The following CACNB2 variants were observed in gnomAD, a reference collection of about 807,000 sequenced individuals.
The protein encoded by CACNB2 is calcium voltage-gated channel auxiliary subunit beta 2, also known as voltage-dependent L-type calcium channel subunit beta-2.
A neutral mutation model predicts 73.3 loss-of-function variants in CACNB2; 42 were observed. The ratio of observed to expected loss-of-function variants is 0.57; its 90% CI spans 0.45 to 0.74. The LOEUF is 0.74. Ranked by LOEUF, CACNB2 falls within the 30% of genes least tolerant of loss-of-function variation. The probability of loss-of-function intolerance (pLI) is 0.00; values close to 1 mark genes in which losing one functional copy is unlikely to be tolerated. For synonymous variants in CACNB2, 348 were observed against 310.3 expected (o/e 1.12, Z -1.28); for missense variants, 940 against 853.0 (o/e 1.10, Z -1.27).
intron 3 of CACNB2, among the ~76,000 whole-genome samples, chr10:18,484,917 G>A (rs949749973): frequency 6.6e-6 from 1 of 152,176 alleles, no homozygotes; most frequent in Non-Finnish European, 1.5e-5. Context: ...CACTTTGGAA[G>A]GCTGATGCAG....
intron 1 of CACNB2, among the ~76,000 whole-genome samples, chr10:18,146,037 C>G (rs2030937313): frequency 6.6e-6 from 1 of 152,018 alleles, no homozygotes; most frequent in Non-Finnish European, 1.5e-5. Context: ...GCTCCTTGTT[C>G]CTTTCTGCTT....
chr10:18,352,098 A>T (rs1000762328), intron 2 of CACNB2, among the ~76,000 whole-genome samples: 1 of 152,236 alleles, frequency 6.6e-6, no homozygotes, highest in Non-Finnish European at 1.5e-5. Context: ...ATGAATAGGC[A>T]TTCAACCTAA....
At chr10:18,160,270 G>A (rs894466566) in intron 2 of CACNB2, among the ~76,000 whole-genome samples, 1 of 151,950 alleles carries the variant, frequency 6.6e-6, no homozygotes, top group African/African-American at 2.4e-5. Flanking sequence ...TTGATTAAGT[G>A]CTCCAGTTAT....
chr10:18,536,731 G>C (rs115084744), intron 12 of CACNB2, among the ~76,000 whole-genome samples: 1 of 152,244 alleles, frequency 6.6e-6, no homozygotes, highest in African/African-American at 2.4e-5. Context: ...AAAAGCTTCC[G>C]TACATCCTGC....
intron 10 of CACNB2, chr10:18,531,707 A>C (rs1446282253): frequency 2.0e-5 from 3 of 152,170 alleles, no homozygotes; most frequent in African/African-American, 7.2e-5. Flanking sequence ...CAGCCATTCT[A>C]ACTGGTGGGA....
chr10:18,340,092 G>T (rs1033444217), intron 2 of CACNB2, among the ~76,000 whole-genome samples: 1 of 152,046 alleles, frequency 6.6e-6, no homozygotes, highest in African/African-American at 2.4e-5. Flanking sequence ...TGTTTTCCAT[G>T]TTCTTTTAGT....
Position 18,289,761 on chromosome 10 carries a change from T to C in CACNB2, c.214-112163T>C, listed in dbSNP as rs2131757698. On this transcript the variant is annotated intron_variant, in intron 2 of 13. Transcript: ENST00000324631. ...GATAGCACTGATATTTACGTGACGT[T>C]TAGCTGTGTGGCCCCCTTTAGTTGT... is the stretch of plus-strand genomic sequence containing the variant. Among the ~76,000 whole-genome samples, 2 of 152,294 alleles carry C rather than the reference T, an allele frequency of 1.3e-5. 1 individual carries two copies.
Position 18,146,306 on chromosome 10 carries a change from A to ATTTTTTT in CACNB2, c.121-4562_121-4556dup, listed in dbSNP as rs10714038. Among the ~76,000 whole-genome samples the ATTTTTTT allele has an allele frequency of 1.8e-3, 214 of 118,898 alleles. 1 individual carries two copies. Among genetic ancestry groups the ATTTTTTT allele is most frequent in the Non-Finnish European group, 2.7e-3 (157 of 58,416 alleles). The allele number at this position is 118,898 out of a possible 152,430, so 78.0% of individuals were successfully genotyped here. A position where few individuals can be genotyped will look rare whatever the true frequency, so the allele number is the denominator to read the frequency against. On this transcript the variant is annotated intron_variant, in intron 1 of 13. Transcript: ENST00000324631. ...TACGAACTGAGAGAGATGGAGACTA[A>ATTTTTTT]TTTTTTTTTTTTTTTTTTTTTGAGA...
Position 18,500,881 on chromosome 10 carries a change from C to A in CACNB2, c.526C>A (p.Pro176Thr). 1 of 1,613,846 alleles carries A rather than the reference C, an allele frequency of 6.2e-7. No homozygotes were observed. Among genetic ancestry groups the A allele is most frequent in the Non-Finnish European group, 8.5e-7 (1 of 1,179,868 alleles). Residue 176 changes from proline (P) to threonine (T), a missense_variant, in exon 5 of 14, where the codon CCA (proline) becomes ACA (threonine). By Grantham distance (38) the Pro-to-Thr change is conservative. Coordinates refer to ENST00000324631, the MANE Select transcript of CACNB2 (RefSeq NM_201596.3). ...CTGTGAAATCGGATTCATTCCAAGC[C>A]CAGTCAAACTAGAAAACATGAGGCT... ...EGCEIGFIPS[P>T]VKLENMRLQH...
intron 2 of CACNB2, among the ~76,000 whole-genome samples, chr10:18,356,853 C>A (rs924210374): frequency 1.3e-5 from 2 of 151,320 alleles, no homozygotes; most frequent in African/African-American, 4.9e-5. Context: ...TGGTCTCGAA[C>A]TCCTGGGCTC....
intron 3 of CACNB2, among the ~76,000 whole-genome samples, chr10:18,467,046 A>C (rs1455728788): frequency 6.6e-6 from 1 of 152,032 alleles, no homozygotes; most frequent in African/African-American, 2.4e-5. Flanking sequence ...CCCAGCTGCT[A>C]GGGAGGCTGA....
Position 18,506,824 on chromosome 10 carries a change from G to C in CACNB2, c.670+277G>C, listed in dbSNP as rs565728030. Among the ~76,000 whole-genome samples the C allele has an allele frequency of 3.3e-5, 5 of 152,202 alleles. No homozygotes were observed. In the South Asian group the frequency reaches 8.3e-4, roughly 25 times the overall value. On this transcript the variant is annotated intron_variant, in intron 6 of 13. Coordinates refer to ENST00000324631, the MANE Select transcript of CACNB2 (RefSeq NM_201596.3). ...TTTATTTATTTATTTTTTTGAGACA[G>C]AGTCTCACTCTATTGCCCACGCTGG...
intron 3 of CACNB2, among the ~76,000 whole-genome samples, chr10:18,473,149 G>A (rs557706692): frequency 2.0e-5 from 3 of 152,176 alleles, no homozygotes; most frequent in South Asian, 2.1e-4. Flanking sequence ...AATTGTCCAC[G>A]CTTTAGCTCC....
chr10:18,526,350 C>A (rs558027941), intron 9 of CACNB2, among the ~76,000 whole-genome samples: 1 of 152,202 alleles, frequency 6.6e-6, no homozygotes. Flanking sequence ...TGCTCCTGTT[C>A]TGTCTAGGGT....
At chr10:18,235,310 T>A (rs1169883145) in intron 2 of CACNB2, among the ~76,000 whole-genome samples, 2 of 151,242 alleles carry the variant, frequency 1.3e-5, no homozygotes, top group African/African-American at 4.9e-5. Flanking sequence ...CTAAAAAAAT[T>A]AGCCAGGCAC....
intron 2 of CACNB2, among the ~76,000 whole-genome samples, chr10:18,373,779 T>G (rs2042683554): frequency 6.6e-6 from 1 of 152,234 alleles, no homozygotes; most frequent in Admixed American, 6.5e-5. Flanking sequence ...GCAGTTGCTA[T>G]GTGATTTGCT....
chr10:18,405,943 C>T (rs980095909), intron 3 of CACNB2, among the ~76,000 whole-genome samples: 2 of 143,222 alleles, frequency 1.4e-5, no homozygotes, highest in African/African-American at 2.8e-5. Context: ...CAGAGCAAGA[C>T]TCTGTCAAAA....
At position 18,289,443 on chromosome 10, in the gene CACNB2, T is replaced by C. The variant is rs545677620; in HGVS notation, c.214-112481T>C. Among the ~76,000 whole-genome samples, 24 of 151,258 alleles carry C rather than the reference T, an allele frequency of 1.6e-4. No individual in the cohort carries two copies. In the South Asian group the frequency reaches 4.4e-3, roughly 28 times the overall value. On this transcript the variant is annotated intron_variant, in intron 2 of 13. Coordinates refer to ENST00000324631, the MANE Select transcript of CACNB2 (RefSeq NM_201596.3). Reference sequence around the variant, plus strand: ...ACGAGTAGCTGGGACTACAGGTGCCTGACACCACACCCAGCTAATTTTTTG... The same window carrying C: ...ACGAGTAGCTGGGACTACAGGTGCCCGACACCACACCCAGCTAATTTTTTG...
intron 2 of CACNB2, among the ~76,000 whole-genome samples, chr10:18,363,758 C>A (rs1263993320): frequency 1.3e-5 from 2 of 151,882 alleles, no homozygotes; most frequent in Non-Finnish European, 2.9e-5. Flanking sequence ...GGCACCTAAC[C>A]TCTCTGGAAA....
Sources: allele counts gnomAD v4.1 joint callset (sites outside exome capture counted in the v4.1 genomes callset), GRCh38; gene constraint gnomAD v4.1.1; transcripts MANE v1.5; gene names NCBI Gene and HGNC (gene_info 2026-07-23, HGNC 2026-07-21).